The following CNTN4 variants were observed in gnomAD, a reference collection of about 807,000 sequenced individuals.
CNTN4 encodes contactin-4.
Under a neutral mutation model 122.5 loss-of-function variants are expected in CNTN4, and 77 were observed. The observed-to-expected ratio is 0.63, with a 90% CI of 0.52 to 0.76. CNTN4 has a LOEUF of 0.76. CNTN4 is among the 30% of genes least tolerant of loss of function. The pLI is 0.00. For synonymous variants in CNTN4, 512 were observed against 447.0 expected, an observed-to-expected ratio of 1.15 and a Z score of -1.83; for missense variants, 1,256 against 1,259.1, an observed-to-expected ratio of 1.00 and a Z score of 0.04.
At chr3:2,161,554 C>T (rs2035968737) in intron 2 of CNTN4, among the ~76,000 whole-genome samples, 1 of 151,936 alleles carries the variant, frequency 6.6e-6, no homozygotes, top group Non-Finnish European at 1.5e-5. Flanking sequence ...AGAATGACTC[C>T]ACTTTTGACA....
At chr3:2,690,747 G>A (rs1473837353) in intron 4 of CNTN4, among the ~76,000 whole-genome samples, 2 of 152,060 alleles carry the variant, frequency 1.3e-5, no homozygotes, top group Non-Finnish European at 2.9e-5. Flanking sequence ...AAATCAAAAG[G>A]AGAATATTAA....
At chr3:2,734,152 C>G (rs1013862834) in intron 4 of CNTN4, among the ~76,000 whole-genome samples, 10 of 152,132 alleles carry the variant, frequency 6.6e-5, no homozygotes, top group Non-Finnish European at 1.3e-4. Context: ...CCTTGATCCC[C>G]CCAGATCAAG....
chr3:3,006,581 A>C (rs1696673183), intron 14 of CNTN4, among the ~76,000 whole-genome samples: 1 of 152,196 alleles, frequency 6.6e-6, no homozygotes, highest in African/African-American at 2.4e-5. Context: ...GCCTTTTACT[A>C]TACCTTATTG....
At chr3:2,370,263 G>T (rs2045582465) in intron 3 of CNTN4, among the ~76,000 whole-genome samples, 1 of 152,014 alleles carries the variant, frequency 6.6e-6, no homozygotes. Context: ...CAAGCCCAGT[G>T]TTAGCTATTC....
chr3:3,000,171 A>G (rs1305788407), intron 14 of CNTN4, among the ~76,000 whole-genome samples: 1 of 151,630 alleles, frequency 6.6e-6, no homozygotes, highest in Admixed American at 6.6e-5. Flanking sequence ...AGTCTACAAT[A>G]TATATACTCT....
At chr3:2,259,118 A>G (rs1280480878) in intron 2 of CNTN4, among the ~76,000 whole-genome samples, 4 of 151,546 alleles carry the variant, frequency 2.6e-5, no homozygotes, top group South Asian at 2.1e-4. Context: ...ATTTGAGGCC[A>G]TTTTTCTTCA....
rs373593793 is a variant in CNTN4 at position 2,416,710 on chromosome 3, G to C, written c.-89+77477G>C. 3.7e-3 allele frequency among the ~76,000 whole-genome samples: 569 copies of C among 152,064 alleles called. 4 individuals carry two copies. The highest frequency in any genetic ancestry group is 0.013 in the African/African-American group (557 of 41,484). On this transcript the variant is annotated intron_variant, in intron 3 of 24. Transcript: ENST00000418658. ...TGTCTGTCGCCCAGGCTGGAGTGCA[G>C]TGGTGTGATCTCAGCTCACTGCAAG... is the stretch of plus-strand genomic sequence containing the variant.
chr3:2,970,551 A>G (rs912389826), intron 13 of CNTN4, among the ~76,000 whole-genome samples: 1 of 151,894 alleles, frequency 6.6e-6, no homozygotes, highest in Non-Finnish European at 1.5e-5. Context: ...GGCTCAAGCA[A>G]TCCTGCCACC....
intron 4 of CNTN4, among the ~76,000 whole-genome samples, chr3:2,668,863 C>T (rs1055530641): frequency 3.0e-4 from 46 of 152,218 alleles, no homozygotes; most frequent in African/African-American, 1.0e-3. Flanking sequence ...TGGTTTTTGT[C>T]GTTGGTTCTG....
intron 4 of CNTN4, among the ~76,000 whole-genome samples, chr3:2,610,821 C>A (rs562994732): frequency 6.6e-6 from 1 of 151,960 alleles, no homozygotes; most frequent in African/African-American, 2.4e-5. Flanking sequence ...AATACGGTGG[C>A]GTTTTCCATT....
intron 3 of CNTN4, among the ~76,000 whole-genome samples, chr3:2,469,223 T>C (rs576953914): frequency 6.6e-6 from 1 of 152,238 alleles, no homozygotes; most frequent in Non-Finnish European, 1.5e-5. Flanking sequence ...CCAAATGTAC[T>C]AAGACATAAC....
intron 12 of CNTN4, among the ~76,000 whole-genome samples, chr3:2,903,478 C>G (rs1388303395): frequency 2.0e-5 from 3 of 152,096 alleles, no homozygotes; most frequent in African/African-American, 7.2e-5. Context: ...GCCACTTCCT[C>G]CCTCCTCTTC....
chr3:2,745,766 T>C (rs2149554785), intron 6 of CNTN4, 69 bp downstream of exon 6: 3 of 1,377,576 alleles, frequency 2.2e-6, no homozygotes, highest in African/African-American at 1.4e-5. Flanking sequence ...AATAAGCTTT[T>C]ATAGCAGTTT....
chr3:2,446,764 AT>A (rs757044720), intron 3 of CNTN4, among the ~76,000 whole-genome samples: 1 of 152,100 alleles, frequency 6.6e-6, no homozygotes, highest in Non-Finnish European at 1.5e-5. Flanking sequence ...AATTCTCATC[AT>A]TTTTTTGCCT....
intron 3 of CNTN4, among the ~76,000 whole-genome samples, chr3:2,549,278 G>T (rs139453709): frequency 2.1e-3 from 316 of 152,154 alleles, no homozygotes; most frequent in African/African-American, 7.3e-3. Flanking sequence ...GTCTTGTGCT[G>T]GTTTTCAAAG....
intron 2 of CNTN4, among the ~76,000 whole-genome samples, chr3:2,283,058 G>A (rs1575258613): frequency 6.6e-6 from 1 of 152,088 alleles, no homozygotes; most frequent in Admixed American, 6.6e-5. Context: ...AAATTCTGGA[G>A]TGGTGGTGGC....
intron 4 of CNTN4, among the ~76,000 whole-genome samples, chr3:2,706,404 C>G (rs559956170): frequency 6.6e-6 from 1 of 152,158 alleles, no homozygotes; most frequent in East Asian, 1.9e-4. Flanking sequence ...AAGGAAGGTG[C>G]TCTAAAATAT....
intron 12 of CNTN4, among the ~76,000 whole-genome samples, chr3:2,920,527 GTATTA>G (rs1277932924): frequency 6.6e-6 from 1 of 151,870 alleles, no homozygotes; most frequent in Non-Finnish European, 1.5e-5. Context: ...GGACCTTTCT[GTATTA>G]TATTTGGTAC....
At chr3:2,555,010 G>C (rs2078662086) in intron 3 of CNTN4, among the ~76,000 whole-genome samples, 1 of 152,136 alleles carries the variant, frequency 6.6e-6, no homozygotes, top group African/African-American at 2.4e-5. Flanking sequence ...ACAATAAAGT[G>C]ATCTGTCTCT....
Sources: gnomAD v4.1 joint callset for allele counts (sites outside exome capture counted in the v4.1 genomes callset) on GRCh38, gnomAD v4.1.1 for gene constraint, MANE v1.5 for transcripts, NCBI Gene and HGNC (gene_info 2026-07-23, HGNC 2026-07-21) for gene names.